KAZN: variants seen among roughly 807,000 people sequenced by gnomAD.
KAZN encodes the protein kazrin.
In KAZN, 40 loss-of-function variants were observed where a neutral mutation model predicts 87.4. The ratio of observed to expected loss-of-function variants is 0.46; its 90% CI spans 0.36 to 0.60. The LOEUF (loss-of-function observed/expected upper bound fraction) is 0.60. KAZN is among the 20% of genes least tolerant of loss of function. KAZN has a pLI of 0.00. For missense variants in KAZN, 898 were observed against 1,073.9 expected, an observed-to-expected ratio of 0.84 and a Z score of 2.29; for synonymous variants, 466 against 458.3, an observed-to-expected ratio of 1.02 and a Z score of -0.22.
chr1:14,840,370 C>G (rs941356710), intron 1 of KAZN, among the ~76,000 whole-genome samples: 2 of 152,200 alleles, frequency 1.3e-5, no homozygotes, highest in Non-Finnish European at 2.9e-5. Context: ...CCTTTTTGAG[C>G]ATTTGGGTGC....
At chr1:14,960,269 G>A (rs1329858629) in intron 1 of KAZN, among the ~76,000 whole-genome samples, 1 of 152,144 alleles carries the variant, frequency 6.6e-6, no homozygotes, top group Admixed American at 6.6e-5. Flanking sequence ...GGGCATCGAT[G>A]TCCTAATTTA....
At chr1:14,823,972 G>A (rs187875185) in intron 1 of KAZN, among the ~76,000 whole-genome samples, 115 of 152,114 alleles carry the variant, frequency 7.6e-4, no homozygotes, top group Middle Eastern at 3.4e-3. Flanking sequence ...AAATTAGCCG[G>A]GCATGCTGGC....
At chr1:14,545,379 CA>C (rs1445991505) in intron 2 of KAZN, among the ~76,000 whole-genome samples, 1 of 152,206 alleles carries the variant, frequency 6.6e-6, no homozygotes, top group African/African-American at 2.4e-5. Flanking sequence ...GTTTTAATTG[CA>C]AGCTCTGGAG....
chr1:14,754,240 T>A (rs1644494882), intron 1 of KAZN, among the ~76,000 whole-genome samples: 1 of 152,182 alleles, frequency 6.6e-6, no homozygotes, highest in African/African-American at 2.4e-5. Context: ...CAATGATTTA[T>A]GTGGGATACA....
At chr1:14,739,167 G>A (rs1423301839) in intron 1 of KAZN, among the ~76,000 whole-genome samples, 2 of 152,152 alleles carry the variant, frequency 1.3e-5, no homozygotes, top group Non-Finnish European at 2.9e-5. Flanking sequence ...AACAGAGTGA[G>A]ACTTTGTCTC....
chr1:14,278,170 C>CAAA (rs34057998), intron 2 of KAZN, among the ~76,000 whole-genome samples: 612 of 55,860 alleles, frequency 0.011, 19 homozygotes, highest in African/African-American at 0.028. Context: ...AACTCTGTCT[C>CAAA]AAAAAAAAAA....
intron 1 of KAZN, among the ~76,000 whole-genome samples, chr1:14,003,560 G>C (rs1639902505): frequency 6.6e-6 from 1 of 151,960 alleles, no homozygotes; most frequent in Non-Finnish European, 1.5e-5. Context: ...AAAAGAGAAA[G>C]TCCAGAAATA....
At chr1:14,132,570 C>T (rs762452178) in intron 1 of KAZN, among the ~76,000 whole-genome samples, 3 of 152,036 alleles carry the variant, frequency 2.0e-5, no homozygotes, top group East Asian at 1.9e-4. Flanking sequence ...AAAATGTCTC[C>T]GAAGAACAAA....
At chr1:14,723,922 T>C (rs1643248484) in intron 1 of KAZN, among the ~76,000 whole-genome samples, 1 of 152,192 alleles carries the variant, frequency 6.6e-6, no homozygotes, top group Non-Finnish European at 1.5e-5. Flanking sequence ...CCTCATGAAG[T>C]TTCTGTCCAC....
At chr1:14,451,530 C>T (rs1264467654) in intron 2 of KAZN, among the ~76,000 whole-genome samples, 1 of 151,726 alleles carries the variant, frequency 6.6e-6, no homozygotes, top group African/African-American at 2.4e-5. Flanking sequence ...TCCAGAGAAA[C>T]AGAACCCACC....
chr1:15,031,900 G>A (rs189821158), intron 2 of KAZN, among the ~76,000 whole-genome samples: 155 of 152,182 alleles, frequency 1.0e-3, no homozygotes, highest in Non-Finnish European at 1.8e-3. Context: ...GAGCCAAGGC[G>A]CCCAGCCTTA....
chr1:14,885,111 C>A (rs1161916898), intron 1 of KAZN, among the ~76,000 whole-genome samples: 3 of 152,222 alleles, frequency 2.0e-5, no homozygotes, highest in Non-Finnish European at 2.9e-5. Context: ...AACACTTTAA[C>A]AAGAAATCAA....
chr1:14,916,332 A>G (rs557590436), intron 1 of KAZN, among the ~76,000 whole-genome samples: 1 of 150,706 alleles, frequency 6.6e-6, no homozygotes, highest in South Asian at 2.1e-4. Flanking sequence ...ACCATGCCCA[A>G]CTCGTTTTTG....
chr1:13,952,333 A>AGAT (rs201399948), intron 1 of KAZN, among the ~76,000 whole-genome samples: 1,896 of 85,128 alleles, frequency 0.022, 52 homozygotes, highest in East Asian at 0.17. Flanking sequence ...TATAAAATGG[A>AGAT]GATAATAATA....
rs549031580 is a variant in KAZN at position 15,114,687 on chromosome 1, A to C, written c.*52A>C. ...CGTGAGAGACCCAGGAAGGAAGAGA[A>C]GCCAGATGGCCCCAGGTGTCGTTCT... On this transcript the variant is annotated 3_prime_UTR_variant, in exon 15 of 15. Transcript: ENST00000376030. 5 of 1,530,374 alleles carry C rather than the reference A, an allele frequency of 3.3e-6. No individual in the cohort carries two copies. The Admixed American group carries it at 8.2e-5, about 25-fold the overall frequency. The allele number at this position is 1,530,374 out of a possible 1,614,324, so 94.8% of individuals were successfully genotyped here. A position where few individuals can be genotyped will look rare whatever the true frequency, so the allele number is the denominator to read the frequency against.
At chr1:14,942,395 T>C (rs751129697) in intron 1 of KAZN, among the ~76,000 whole-genome samples, 25 of 151,738 alleles carry the variant, frequency 1.6e-4, no homozygotes, top group Non-Finnish European at 3.2e-4. Context: ...CTCAAGAGAG[T>C]AGGGCAGGAG....
intron 1 of KAZN, among the ~76,000 whole-genome samples, chr1:13,971,467 T>C (rs1362309561): frequency 6.6e-6 from 1 of 152,216 alleles, no homozygotes; most frequent in Admixed American, 6.5e-5. Context: ...TGGTTTCATA[T>C]GCATGCATTT....
At chr1:15,032,481 C>T (rs527495590) in intron 2 of KAZN, among the ~76,000 whole-genome samples, 12 of 151,812 alleles carry the variant, frequency 7.9e-5, no homozygotes, top group African/African-American at 2.7e-4. Flanking sequence ...CATGAGCCAC[C>T]GCGCCCAGCT....
At chr1:14,998,982 A>C (rs1368872163) in intron 2 of KAZN, among the ~76,000 whole-genome samples, 4 of 152,250 alleles carry the variant, frequency 2.6e-5, no homozygotes, top group Non-Finnish European at 4.4e-5. Context: ...TCTGACTGGG[A>C]ACAACAGTCA....
Sources: allele counts gnomAD v4.1 joint callset (sites outside exome capture counted in the v4.1 genomes callset), GRCh38; gene constraint gnomAD v4.1.1; transcripts MANE v1.5; gene names NCBI Gene and HGNC (gene_info 2026-07-23, HGNC 2026-07-21).